The following MGAT4C variants were observed in gnomAD, a reference collection of about 807,000 sequenced individuals.
MGAT4C encodes alpha-1,3-mannosyl-glycoprotein 4-beta-N-acetylglucosaminyltransferase C.
In MGAT4C, 19 loss-of-function variants were observed where a neutral mutation model predicts 40.1. The observed-to-expected ratio is 0.47, with a 90% confidence interval of 0.33 to 0.70. The LOEUF (loss-of-function observed/expected upper bound fraction) is 0.70. Among genes scored for constraint, MGAT4C ranks in the 30% least tolerant of loss-of-function variants. The pLI, the probability that MGAT4C is intolerant of heterozygous loss-of-function variation, is 0.02. For synonymous variants in MGAT4C, 181 were observed against 187.1 expected, an observed-to-expected ratio of 0.97 and a Z score of 0.27; for missense variants, 491 against 563.2, an observed-to-expected ratio of 0.87 and a Z score of 1.30.
At chr12:86,540,297 G>T (rs1020656765) in intron 2 of MGAT4C, among the ~76,000 whole-genome samples, 2 of 152,184 alleles carry the variant, frequency 1.3e-5, no homozygotes, top group African/African-American at 4.8e-5. Flanking sequence ...AGCTCAAAAT[G>T]TTGAGAGACT....
chr12:86,544,313 A>T (rs915853610), intron 2 of MGAT4C, among the ~76,000 whole-genome samples: 1 of 152,126 alleles, frequency 6.6e-6, no homozygotes, highest in Non-Finnish European at 1.5e-5. Context: ...TTTTTGGAAA[A>T]CATATACAAT....
At chr12:86,300,724 C>T (rs1485050361) in intron 4 of MGAT4C, among the ~76,000 whole-genome samples, 1 of 152,012 alleles carries the variant, frequency 6.6e-6, no homozygotes, top group Non-Finnish European at 1.5e-5. Flanking sequence ...ATCCCCCCTC[C>T]TCATCCCCCA....
chr12:86,163,451 A>G (rs1199746250), intron 1 of MGAT4C, among the ~76,000 whole-genome samples: 1 of 152,112 alleles, frequency 6.6e-6, no homozygotes, highest in Non-Finnish European at 1.5e-5. Context: ...CTCAGCCTCC[A>G]AAACTGCTGG....
At chr12:86,819,880 A>T (rs1182220404) in intron 1 of MGAT4C, among the ~76,000 whole-genome samples, 1 of 73,754 alleles carries the variant, frequency 1.4e-5, no homozygotes, top group Non-Finnish European at 4.2e-5. Flanking sequence ...GTAATGCTTA[A>T]TAAGAATGAG....
chr12:86,744,315 T>A (rs1001610678), intron 1 of MGAT4C, among the ~76,000 whole-genome samples: 8 of 151,064 alleles, frequency 5.3e-5, no homozygotes, highest in South Asian at 4.2e-4. Context: ...AAAAAAAAAA[T>A]ATGATTGACA....
intron 2 of MGAT4C, among the ~76,000 whole-genome samples, chr12:86,566,925 A>G (rs769280901): frequency 5.3e-4 from 80 of 152,090 alleles, no homozygotes; most frequent in Middle Eastern, 3.4e-3. Flanking sequence ...GACCAAAGCA[A>G]TTACTTTATG....
chr12:86,818,085 C>T (rs1299071950), intron 1 of MGAT4C, among the ~76,000 whole-genome samples: 1 of 151,242 alleles, frequency 6.6e-6, no homozygotes, highest in East Asian at 1.9e-4. Flanking sequence ...ACTACTTTGA[C>T]CAGATATTGC....
Position 86,793,540 on chromosome 12 carries a change from T to C in MGAT4C, c.-262+45126A>G, listed in dbSNP as rs79589975. ...ACTAGGAATAGTGCCAGATAAAACC[T>C]AGATGATTTTAAAACTATGAATAAA... On this transcript the variant is annotated intron_variant, in intron 1 of 7. Coordinates refer to the MGAT4C transcript ENST00000548651. Among the ~76,000 whole-genome samples the C allele has an allele frequency of 7.0e-3, 1,070 of 152,140 alleles. 11 individuals are homozygous for C. The highest frequency in any genetic ancestry group is 0.024 in the African/African-American group (1,017 of 41,524).
chr12:86,123,638 ATGTTCAT>A (rs1212417493), intron 1 of MGAT4C, among the ~76,000 whole-genome samples: 1 of 152,074 alleles, frequency 6.6e-6, no homozygotes, highest in African/African-American at 2.4e-5. Flanking sequence ...ATCTAATTGG[ATGTTCAT>A]ATTTCTTTGA....
intron 3 of MGAT4C, among the ~76,000 whole-genome samples, chr12:86,426,458 A>C (rs928229572): frequency 6.6e-6 from 1 of 152,240 alleles, no homozygotes; most frequent in Non-Finnish European, 1.5e-5. Flanking sequence ...AATAATAATC[A>C]TATGTATAAT....
intron 1 of MGAT4C, among the ~76,000 whole-genome samples, chr12:86,804,358 TATAC>T (rs1311039406): frequency 6.7e-6 from 1 of 148,880 alleles, no homozygotes; most frequent in Non-Finnish European, 1.5e-5. Flanking sequence ...ACGGCACATG[TATAC>T]ATATGTAACT....
intron 1 of MGAT4C, among the ~76,000 whole-genome samples, chr12:86,137,512 T>C (rs1882141370): frequency 1.3e-5 from 2 of 152,212 alleles, no homozygotes; most frequent in South Asian, 2.1e-4. Flanking sequence ...AAAACATTAC[T>C]TCTTATATAA....
chr12:86,830,452 GTGTACATA>G (rs572540839), intron 1 of MGAT4C, among the ~76,000 whole-genome samples: 117 of 151,806 alleles, frequency 7.7e-4, no homozygotes, highest in Non-Finnish European at 1.4e-3. Context: ...ATGACTCTAT[GTGTACATA>G]TGTGAAGATT....
chr12:86,586,294 G>A (rs1961037047), intron 2 of MGAT4C, among the ~76,000 whole-genome samples: 1 of 103,170 alleles, frequency 9.7e-6, no homozygotes, highest in Non-Finnish European at 2.1e-5. Flanking sequence ...CATTTTTTAT[G>A]GCTGCATAGT....
chr12:86,516,533 G>A (rs2136354112), intron 2 of MGAT4C, among the ~76,000 whole-genome samples: 1 of 152,060 alleles, frequency 6.6e-6, no homozygotes. Flanking sequence ...AGAAAAATGA[G>A]TCCATTTTCT....
intron 1 of MGAT4C, among the ~76,000 whole-genome samples, chr12:86,112,313 C>A (rs1250431735): frequency 1.3e-5 from 2 of 151,224 alleles, no homozygotes; most frequent in Non-Finnish European, 3.0e-5. Context: ...GGTTTACTTC[C>A]CCCCCACCCT....
At chr12:86,585,104 TTTTAA>T (rs1960959368) in intron 2 of MGAT4C, among the ~76,000 whole-genome samples, 3 of 151,404 alleles carry the variant, frequency 2.0e-5, no homozygotes, top group African/African-American at 7.3e-5. Context: ...AAAACTAAAA[TTTTAA>T]TTTAATGTAA....
chr12:86,255,475 C>T (rs1952478829), intron 1 of MGAT4C, among the ~76,000 whole-genome samples: 1 of 152,134 alleles, frequency 6.6e-6, no homozygotes, highest in Non-Finnish European at 1.5e-5. Context: ...ACAAGATCCT[C>T]AGGCATAAAT....
rs111984536 is a variant in MGAT4C at position 86,056,009 on chromosome 12, C to G, written c.-56-6286G>C. Among the ~76,000 whole-genome samples the G allele has an allele frequency of 3.6e-3, 543 of 152,138 alleles. 3 individuals carry two copies. The highest frequency in any genetic ancestry group is 0.013 in the African/African-American group (520 of 41,518). The stretch of plus-strand genomic sequence containing the variant: ...ACTCTCTAGCTAAGTAAAATACTTG[C>G]TAGTTGTTACTCTTCAATGGCTTGA... On this transcript the variant is annotated intron_variant, in intron 1 of 4. Coordinates refer to ENST00000611864, the MANE Select transcript of MGAT4C (RefSeq NM_001351288.2).
Sources: allele counts gnomAD v4.1 joint callset (sites outside exome capture counted in the v4.1 genomes callset), GRCh38; gene constraint gnomAD v4.1.1; transcripts MANE v1.5; gene names NCBI Gene and HGNC (gene_info 2026-07-23, HGNC 2026-07-21).